The following TSPAN9 variants were observed in gnomAD, a reference collection of about 807,000 sequenced individuals.
The protein encoded by TSPAN9 is tetraspanin 9.
A neutral mutation model predicts 31.0 loss-of-function variants in TSPAN9; 16 were observed. The observed-to-expected ratio is 0.52, with a 90% CI of 0.35 to 0.78. TSPAN9 has a LOEUF of 0.78. Ranked by LOEUF, TSPAN9 falls within the 30% of genes least tolerant of loss-of-function variation. The pLI, the probability that TSPAN9 is intolerant of heterozygous loss-of-function variation, is 0.01. For missense variants in TSPAN9, 272 were observed against 312.5 expected (o/e 0.87, Z 0.98); for synonymous variants, 145 against 121.6 (o/e 1.19, Z -1.27).
At chr12:3,210,574 C>G (rs1450672794) in intron 3 of TSPAN9, among the ~76,000 whole-genome samples, 1 of 152,088 alleles carries the variant, frequency 6.6e-6, no homozygotes, top group African/African-American at 2.4e-5. Flanking sequence ...AAATGTATTG[C>G]AAACAGTATG....
intron 3 of TSPAN9, among the ~76,000 whole-genome samples, chr12:3,214,255 C>T (rs1449124265): frequency 2.0e-5 from 3 of 152,192 alleles, no homozygotes; most frequent in African/African-American, 7.2e-5. Flanking sequence ...TTTTATCTTC[C>T]TTATCCTCAT....
chr12:3,149,574 C>T (rs1591649063), intron 2 of TSPAN9, among the ~76,000 whole-genome samples: 1 of 152,302 alleles, frequency 6.6e-6, no homozygotes, highest in East Asian at 1.9e-4. Flanking sequence ...CAGACAACAG[C>T]ATCATGGTGT....
At chr12:3,243,595 G>A (rs559800524) in intron 3 of TSPAN9, among the ~76,000 whole-genome samples, 2 of 152,308 alleles carry the variant, frequency 1.3e-5, no homozygotes, top group East Asian at 1.9e-4. Flanking sequence ...GGCACAGGAA[G>A]CTTCAGTCGT....
chr12:3,220,477 G>A (rs554387488), intron 3 of TSPAN9, among the ~76,000 whole-genome samples: 2 of 152,310 alleles, frequency 1.3e-5, no homozygotes, highest in South Asian at 2.1e-4. Flanking sequence ...CATAGTCTGC[G>A]GCACAGCATA....
intron 3 of TSPAN9, among the ~76,000 whole-genome samples, chr12:3,202,255 C>G (rs907653432): frequency 6.6e-6 from 1 of 152,220 alleles, no homozygotes; most frequent in African/African-American, 2.4e-5. Context: ...ATGTTTGGCT[C>G]AGTCCCAGAG....
chr12:3,081,552 CCT>C (rs1397291520), intron 1 of TSPAN9, among the ~76,000 whole-genome samples: 1 of 152,106 alleles, frequency 6.6e-6, no homozygotes, highest in African/African-American at 2.4e-5. Flanking sequence ...CCCAAATGAA[CCT>C]CTTTTTCCTG....
At chr12:3,096,178 A>G (rs2153963926) in intron 2 of TSPAN9, among the ~76,000 whole-genome samples, 1 of 152,350 alleles carries the variant, frequency 6.6e-6, no homozygotes, top group African/African-American at 2.4e-5. Context: ...TCTTTAATAC[A>G]GTCTTGATTC....
At chr12:3,134,974 T>G (rs1451494818) in intron 2 of TSPAN9, among the ~76,000 whole-genome samples, 1 of 151,932 alleles carries the variant, frequency 6.6e-6, no homozygotes, top group African/African-American at 2.4e-5. Context: ...GTGGAGGACA[T>G]GGGGGAGTAG....
At chr12:3,154,617 G>A (rs943323472) in intron 2 of TSPAN9, among the ~76,000 whole-genome samples, 4 of 152,058 alleles carry the variant, frequency 2.6e-5, no homozygotes, top group African/African-American at 4.8e-5. Context: ...TTTCCTCAGC[G>A]TCCTGCTTTC....
At chr12:3,155,610 T>A (rs996203166) in intron 2 of TSPAN9, among the ~76,000 whole-genome samples, 34 of 143,442 alleles carry the variant, frequency 2.4e-4, no homozygotes, top group Admixed American at 7.8e-4. Context: ...AAAAAAAAAA[T>A]AAAGAGGGAG....
rs570202636 is a variant in TSPAN9, at chr12:3,132,615, G to A, written c.-18+48896G>A. Among the ~76,000 whole-genome samples, 5 of 152,246 alleles carry A rather than the reference G, an allele frequency of 3.3e-5. No individual in the cohort carries two copies. In the East Asian group the frequency reaches 9.6e-4, roughly 29 times the overall value. Reference sequence around the variant, plus strand: ...TTCTGTTCATGCTTCTCAACATGTGGCCCCATTTGTCTAGATCCTGTTTAA... The same window carrying A: ...TTCTGTTCATGCTTCTCAACATGTGACCCCATTTGTCTAGATCCTGTTTAA... On this transcript the variant is annotated intron_variant, in intron 2 of 8. Coordinates refer to ENST00000011898, the MANE Select transcript of TSPAN9 (RefSeq NM_006675.5).
rs531497409 is a variant in TSPAN9 at position 3,107,058 on chromosome 12, G to T, written c.-18+23339G>T. On this transcript the variant is annotated intron_variant, in intron 2 of 8. Coordinates refer to ENST00000011898, the MANE Select transcript of TSPAN9 (RefSeq NM_006675.5). The surrounding 1 kb of genome is among the most constrained non-coding windows in gnomAD (Gnocchi z 4.1). ...CCAGCCACAGAAGCAAAGCAAACAG[G>T]CCCCTGACTTTGTTTCTATTTCAGA... Among the ~76,000 whole-genome samples, 10 of 152,232 alleles carry T rather than the reference G, an allele frequency of 6.6e-5. No homozygotes were observed. The South Asian group carries it at 2.1e-3, about 32-fold the overall frequency.
chr12:3,100,446 C>T (rs1365288667), intron 2 of TSPAN9, among the ~76,000 whole-genome samples: 2 of 152,220 alleles, frequency 1.3e-5, no homozygotes, highest in Non-Finnish European at 2.9e-5. Flanking sequence ...TGAACTGCTG[C>T]GTGGAAGCTG....
At chr12:3,089,834 A>G (rs924076443) in intron 2 of TSPAN9, among the ~76,000 whole-genome samples, 4 of 151,998 alleles carry the variant, frequency 2.6e-5, no homozygotes, top group Non-Finnish European at 5.9e-5. Context: ...TGATCCCAGG[A>G]GTTTGAGGCT....
In TSPAN9 at chr12:3,184,423, AAGAG is replaced by A. The variant is rs1008467336; in HGVS notation, c.-17-16744_-17-16741del. ...AAAAAGAAAAAAAGAAAGAAAGAGA[AAGAG>A]AGAGAGAGAAAGAAAGAGAGAAAGA... On this transcript the variant is annotated intron_variant, in intron 2 of 8. Transcript: ENST00000011898. Among the ~76,000 whole-genome samples, 86 of 151,846 alleles carry A rather than the reference AAGAG, an allele frequency of 5.7e-4. 1 individual carries two copies. The highest frequency in any genetic ancestry group is 3.4e-3 in the Middle Eastern group (1 of 294).
rs111870080 is a variant in TSPAN9 at position 3,249,094 on chromosome 12, C to T, written c.64-29327C>T. 3.2e-3 allele frequency among the ~76,000 whole-genome samples: 490 copies of T among 152,338 alleles called. 4 individuals carry two copies. Among genetic ancestry groups the T allele is most frequent in the African/African-American group, 0.011 (453 of 41,576 alleles). On this transcript the variant is annotated intron_variant, in intron 3 of 8. Coordinates refer to ENST00000011898, the MANE Select transcript of TSPAN9 (RefSeq NM_006675.5). ...TTCCTCTTAGTTCATTCGATACAGGCCTGCCAGAGTCTGCTTCCCAGGGCC... is the reference window on the plus strand; with the variant it reads ...TTCCTCTTAGTTCATTCGATACAGGTCTGCCAGAGTCTGCTTCCCAGGGCC...
chr12:3,221,662 CAA>C (rs557211888), intron 3 of TSPAN9, among the ~76,000 whole-genome samples: 393 of 151,516 alleles, frequency 2.6e-3, no homozygotes, highest in African/African-American at 9.0e-3. Flanking sequence ...CTCAGCCTAA[CAA>C]ATTTTTTTTG....
At chr12:3,112,890 A>G (rs117303768) in intron 2 of TSPAN9, among the ~76,000 whole-genome samples, 8 of 152,124 alleles carry the variant, frequency 5.3e-5, no homozygotes, top group Non-Finnish European at 1.2e-4. Context: ...ACTGTTGCCC[A>G]GGTTGGTCTC....
At chr12:3,193,262 C>T (rs2098365403) in intron 2 of TSPAN9, among the ~76,000 whole-genome samples, 2 of 152,248 alleles carry the variant, frequency 1.3e-5, no homozygotes, top group Non-Finnish European at 1.5e-5. Flanking sequence ...CCAGCTGACC[C>T]ACAGTAACCA....
Sources: gnomAD v4.1 joint callset for allele counts (sites outside exome capture counted in the v4.1 genomes callset) on GRCh38, gnomAD v4.1.1 for gene constraint, Gnocchi (gnomAD v3.1) non-coding constraint, MANE v1.5 for transcripts, NCBI Gene and HGNC (gene_info 2026-07-23, HGNC 2026-07-21) for gene names.